LIFR: variants seen among roughly 807,000 people sequenced by gnomAD.
LIFR encodes the protein LIF receptor subunit alpha, also known as leukemia inhibitory factor receptor.
LIFR carries 84 observed loss-of-function variants against 122.2 expected under a neutral mutation model. The ratio of observed to expected loss-of-function variants is 0.69; its 90% CI spans 0.58 to 0.82. The LOEUF (loss-of-function observed/expected upper bound fraction) is 0.82. LIFR is among the 40% of genes least tolerant of loss of function. The pLI, the probability that LIFR is intolerant of heterozygous loss-of-function variation, is 0.00. For synonymous variants in LIFR, 422 were observed against 434.7 expected (o/e 0.97, Z 0.36); for missense variants, 1,294 against 1,311.6 (o/e 0.99, Z 0.21).
At position 38,507,506 on chromosome 5, in the gene LIFR, C is replaced by A. The variant is rs1052139344; in HGVS notation, c.992-874G>T. The stretch of plus-strand genomic sequence containing the variant: ...TTGAACCTGGGAGGTGGAGGCTGCA[C>A]TGAACCCAGATTGTGCCACTGGAAT... On this transcript the variant is annotated intron_variant, in intron 7 of 19. Coordinates refer to ENST00000453190, the MANE Select transcript of LIFR (RefSeq NM_001127671.2). 2.8e-5 allele frequency among the ~76,000 whole-genome samples: 4 copies of A among 141,052 alleles called. No individual in the cohort carries two copies. In the Admixed American group the frequency reaches 3.1e-4, roughly 11 times the overall value. 92.5% of individuals were successfully genotyped at this position (141,052 alleles called of 152,430 possible).
At chr5:38,555,176 C>G (rs1235984987) in intron 1 of LIFR, 1 of 152,176 alleles carries the variant, frequency 6.6e-6, no homozygotes, top group Non-Finnish European at 1.5e-5. Context: ...TAGAAGACAA[C>G]TAAAAGAATG....
intron 16 of LIFR, among the ~76,000 whole-genome samples, chr5:38,486,831 C>T (rs909666337): frequency 1.3e-5 from 2 of 152,130 alleles, no homozygotes; most frequent in East Asian, 1.9e-4. Flanking sequence ...CCACATCATT[C>T]GTATAGAAAC....
At chr5:38,507,342 T>A (rs1052510934) in intron 7 of LIFR, among the ~76,000 whole-genome samples, 1 of 151,284 alleles carries the variant, frequency 6.6e-6, no homozygotes, top group Admixed American at 6.6e-5. Context: ...GGTGGGCAAA[T>A]CACCTGAAGT....
Position 38,564,735 on chromosome 5 carries a change from TACACACACACACACACAC to T in LIFR, c.-20+30508_-20+30525del, listed in dbSNP as rs3047301. ...ACACAATATATATATACACACACAC[TACACACACACACACACAC>T]ACACACACACACACACACACACACA... On this transcript the variant is annotated intron_variant, in intron 1 of 19. Coordinates refer to the LIFR transcript ENST00000263409. Among the ~76,000 whole-genome samples the T allele has an allele frequency of 3.0e-3, 416 of 137,500 alleles. 7 individuals are homozygous for T. The highest frequency in any genetic ancestry group is 0.026 in the South Asian group (106 of 4,092). 90.2% of individuals were successfully genotyped at this position (137,500 alleles called of 152,430 possible). A position where few individuals can be genotyped will look rare whatever the true frequency, so the allele number is the denominator to read the frequency against.
intron 1 of LIFR, among the ~76,000 whole-genome samples, chr5:38,576,279 A>T (rs1056108378): frequency 2.6e-5 from 4 of 152,164 alleles, no homozygotes; most frequent in African/African-American, 9.7e-5. Context: ...CTCCACTGCC[A>T]TCTGTGGTCA....
intron 10 of LIFR, among the ~76,000 whole-genome samples, chr5:38,503,651 T>C (rs1402868846): frequency 6.6e-6 from 1 of 152,206 alleles, no homozygotes; most frequent in Non-Finnish European, 1.5e-5. Flanking sequence ...AAAAAATCAC[T>C]TCTGCTGTCT....
chr5:38,520,987 T>C (rs1746368451), intron 5 of LIFR, among the ~76,000 whole-genome samples: 1 of 152,206 alleles, frequency 6.6e-6, no homozygotes, highest in Admixed American at 6.5e-5. Context: ...CATTGGCATT[T>C]TTGTAGGGAA....
chr5:38,526,415 CTGTGTGTGTGTG>C (rs34077685), intron 4 of LIFR, among the ~76,000 whole-genome samples: 1 of 148,000 alleles, frequency 6.8e-6, no homozygotes, highest in African/African-American at 2.5e-5. Context: ...ACAAACTTTA[CTGTGTGTGTGTG>C]TGTGTGTGTG....
chr5:38,529,273 C>CA (rs1393406507), intron 2 of LIFR, among the ~76,000 whole-genome samples: 1 of 151,880 alleles, frequency 6.6e-6, no homozygotes, highest in Admixed American at 6.6e-5. Flanking sequence ...AAGGAAAAAA[C>CA]AAAAAACAAA....
intron 5 of LIFR, among the ~76,000 whole-genome samples, chr5:38,512,780 G>T (rs1385472234): frequency 2.0e-5 from 3 of 152,074 alleles, no homozygotes; most frequent in Non-Finnish European, 4.4e-5. Flanking sequence ...TTCAGATTAG[G>T]GATGCTCAAC....
chr5:38,494,798 G>T (rs1412124561), intron 13 of LIFR, among the ~76,000 whole-genome samples: 1 of 152,194 alleles, frequency 6.6e-6, no homozygotes, highest in African/African-American at 2.4e-5. Flanking sequence ...GCCCTTGACG[G>T]GATGCAGCCA....
chr5:38,549,007 T>C (rs1380001702), intron 1 of LIFR, among the ~76,000 whole-genome samples: 1 of 152,114 alleles, frequency 6.6e-6, no homozygotes, highest in Non-Finnish European at 1.5e-5. Context: ...GAGCTGGATA[T>C]TATTATCCCC....
At chr5:38,568,576 T>C (rs1334677105) in intron 1 of LIFR, among the ~76,000 whole-genome samples, 3 of 152,164 alleles carry the variant, frequency 2.0e-5, no homozygotes, top group Middle Eastern at 6.8e-3. Flanking sequence ...AGGAGTAGAT[T>C]ATAGGGGTCA....
intron 12 of LIFR, among the ~76,000 whole-genome samples, chr5:38,497,961 A>C (rs1561144755): frequency 6.6e-6 from 1 of 152,154 alleles, no homozygotes; most frequent in Non-Finnish European, 1.5e-5. Flanking sequence ...TTTTCATAGA[A>C]ATTTTTAATA....
At chr5:38,523,023 A>T (rs148396695) in intron 5 of LIFR, among the ~76,000 whole-genome samples, 1 of 152,228 alleles carries the variant, frequency 6.6e-6, no homozygotes, top group Non-Finnish European at 1.5e-5. Flanking sequence ...TTATAAAAAA[A>T]AATTCTCTAT....
Position 38,578,207 on chromosome 5 carries a change from CTTTTTTTT to C in LIFR, c.-20+17046_-20+17053del, listed in dbSNP as rs3079294. ...TTTCTTTTCTTTTCTTTTTCTTTTT[CTTTTTTTT>C]TTTTTTTTGAGACAGAGTTTTGCTC... is the stretch of plus-strand genomic sequence containing the variant. On this transcript the variant is annotated intron_variant, in intron 1 of 19. Transcript: ENST00000263409. 2.8e-4 allele frequency among the ~76,000 whole-genome samples: 34 copies of C among 123,468 alleles called. 1 individual carries two copies. Among genetic ancestry groups the C allele is most frequent in the South Asian group, 1.1e-3 (4 of 3,754 alleles). The allele number at this position is 123,468 out of a possible 152,430, so 81.0% of individuals were successfully genotyped here.
chr5:38,535,022 C>T (rs1245906413), intron 1 of LIFR, among the ~76,000 whole-genome samples: 1 of 152,192 alleles, frequency 6.6e-6, no homozygotes, highest in Non-Finnish European at 1.5e-5. Flanking sequence ...AAAGATGTAT[C>T]ACCTTCCGTG....
Position 38,477,605 on chromosome 5 carries a change from AT to A in LIFR, c.*3989del, listed in dbSNP as rs1743784300. The stretch of plus-strand genomic sequence containing the variant: ...ATGGAGAAATAAGATATCTAGTGAT[AT>A]ACAGGCATGAGTCCTTCCTCAGTTT... On this transcript the variant is annotated 3_prime_UTR_variant, in exon 20 of 20. Transcript: ENST00000453190. 2 of 212,744 alleles carry A rather than the reference AT, an allele frequency of 9.4e-6. No homozygotes were observed. Among genetic ancestry groups the A allele is most frequent in the East Asian group, 1.4e-4 (2 of 14,084 alleles). 13.2% of individuals were successfully genotyped at this position (212,744 alleles called of 1,614,324 possible).
intron 6 of LIFR, among the ~76,000 whole-genome samples, chr5:38,511,264 T>G (rs1167354903): frequency 6.6e-6 from 1 of 152,204 alleles, no homozygotes; most frequent in Non-Finnish European, 1.5e-5. Context: ...GTGATCTATC[T>G]CTACAATGAC....
Sources: gnomAD v4.1 joint callset for allele counts (sites outside exome capture counted in the v4.1 genomes callset) on GRCh38, gnomAD v4.1.1 for gene constraint, MANE v1.5 for transcripts, NCBI Gene and HGNC (gene_info 2026-07-23, HGNC 2026-07-21) for gene names.